DLGAP1: variants seen among roughly 807,000 people sequenced by gnomAD.
The protein encoded by DLGAP1 is disks large-associated protein 1.
In DLGAP1, 11 loss-of-function variants were observed where a neutral mutation model predicts 90.8. The observed-to-expected ratio is 0.12, with a 90% CI of 0.08 to 0.20. The LOEUF (loss-of-function observed/expected upper bound fraction) is 0.20. Ranked by LOEUF, DLGAP1 falls within the 10% of genes least tolerant of loss-of-function variation. The pLI is 1.00. For synonymous variants in DLGAP1, 558 were observed against 540.7 expected, an observed-to-expected ratio of 1.03 and a Z score of -0.44; for missense variants, 1,050 against 1,333.8, an observed-to-expected ratio of 0.79 and a Z score of 3.31.
chr18:4,413,293 G>A (rs1567902785), intron 1 of DLGAP1, among the ~76,000 whole-genome samples: 1 of 152,114 alleles, frequency 6.6e-6, no homozygotes, highest in Non-Finnish European at 1.5e-5. Flanking sequence ...TCTTCCCCAT[G>A]AGTTTAAATG....
At chr18:3,853,216 T>C (rs1341502436) in intron 4 of DLGAP1, among the ~76,000 whole-genome samples, 1 of 152,184 alleles carries the variant, frequency 6.6e-6, no homozygotes, top group Non-Finnish European at 1.5e-5. Context: ...GAGTTTTGAA[T>C]GCTTTATTTT....
At chr18:4,153,494 A>C (rs2076707036) in intron 1 of DLGAP1, among the ~76,000 whole-genome samples, 1 of 151,896 alleles carries the variant, frequency 6.6e-6, no homozygotes, top group African/African-American at 2.4e-5. Context: ...TCTTTTCCTT[A>C]CCCCAAGTGT....
intron 7 of DLGAP1, among the ~76,000 whole-genome samples, chr18:3,642,585 T>C (rs1279973185): frequency 1.3e-5 from 2 of 152,226 alleles, no homozygotes; most frequent in Admixed American, 6.5e-5. Flanking sequence ...GACCTTAAGC[T>C]AGTACCTTTT....
intron 7 of DLGAP1, among the ~76,000 whole-genome samples, chr18:3,641,804 C>G (rs1012695981): frequency 2.0e-5 from 3 of 152,118 alleles, no homozygotes; most frequent in African/African-American, 7.2e-5. Context: ...ACTATAGATG[C>G]TGGGCCTAGG....
intron 2 of DLGAP1, among the ~76,000 whole-genome samples, chr18:4,008,815 T>C (rs913471309): frequency 2.0e-5 from 3 of 152,238 alleles, no homozygotes; most frequent in Non-Finnish European, 4.4e-5. Flanking sequence ...AAATGGGAAC[T>C]GGATTATTCA....
intron 4 of DLGAP1, among the ~76,000 whole-genome samples, chr18:3,850,441 A>G (rs1009128346): frequency 6.6e-6 from 1 of 152,126 alleles, no homozygotes; most frequent in African/African-American, 2.4e-5. Flanking sequence ...TATAAGATCC[A>G]TTAGATGAAT....
intron 7 of DLGAP1, among the ~76,000 whole-genome samples, chr18:3,657,522 G>GCACA (rs952548609): frequency 3.9e-5 from 6 of 151,950 alleles, no homozygotes; most frequent in African/African-American, 1.5e-4. Context: ...AAGATATGTG[G>GCACA]CACACAGTCT....
At chr18:3,687,425 C>T (rs1003035677) in intron 7 of DLGAP1, among the ~76,000 whole-genome samples, 11 of 152,070 alleles carry the variant, frequency 7.2e-5, no homozygotes, top group African/African-American at 2.4e-4. Flanking sequence ...TGTAAGCATA[C>T]GCCAACAACA....
chr18:3,805,725 G>T (rs1180149072), intron 5 of DLGAP1, among the ~76,000 whole-genome samples: 3 of 152,160 alleles, frequency 2.0e-5, no homozygotes, highest in African/African-American at 7.2e-5. Context: ...GACTCTTTAG[G>T]CTGTAAAGAT....
intron 3 of DLGAP1, among the ~76,000 whole-genome samples, chr18:3,975,405 C>T (rs971604618): frequency 2.0e-5 from 3 of 152,020 alleles, no homozygotes; most frequent in Admixed American, 1.3e-4. Flanking sequence ...AGTGAGATAC[C>T]GCTTCACACC....
At chr18:3,763,925 G>A (rs1419383725) in intron 5 of DLGAP1, among the ~76,000 whole-genome samples, 8 of 152,156 alleles carry the variant, frequency 5.3e-5, no homozygotes, top group Non-Finnish European at 1.2e-4. Context: ...GCCTCCCAAA[G>A]TGCTGGGATT....
chr18:4,250,451 C>A lies in DLGAP1; in HGVS notation c.-266-99164G>T, dbSNP rs74814570. ...GTACCTGAGAAAGTCCTGATGCCAA[C>A]AATTTTGAAGATCACTATTAAAGAT... On this transcript the variant is annotated intron_variant, in intron 1 of 12. Transcript: ENST00000315677. 5.2e-3 allele frequency among the ~76,000 whole-genome samples: 793 copies of A among 152,284 alleles called. 6 individuals carry two copies. Among genetic ancestry groups the A allele is most frequent in the African/African-American group, 0.018 (758 of 41,544 alleles).
At chr18:3,937,889 T>C (rs1394496935) in intron 3 of DLGAP1, among the ~76,000 whole-genome samples, 3 of 152,226 alleles carry the variant, frequency 2.0e-5, no homozygotes, top group African/African-American at 7.2e-5. Flanking sequence ...TGAGTCACTG[T>C]AAGCGAGCTC....
At chr18:3,925,086 A>G (rs1003756998) in intron 3 of DLGAP1, among the ~76,000 whole-genome samples, 7 of 151,934 alleles carry the variant, frequency 4.6e-5, no homozygotes, top group South Asian at 2.1e-4. Context: ...CTGAGTAGCT[A>G]GGACTACAGG....
rs867654578 is a variant in DLGAP1 at position 4,409,152 on chromosome 18, A to G, written c.-267+45854T>C. 1.2e-4 allele frequency among the ~76,000 whole-genome samples: 18 copies of G among 152,222 alleles called. No homozygotes were observed. The South Asian group carries it at 3.5e-3, about 30-fold the overall frequency. ...CTTAGGGTTTTGTTTTTTGATAAAG[A>G]AACTAGTTATTATAAAATATTAGGC... On this transcript the variant is annotated intron_variant, in intron 1 of 12. Coordinates refer to ENST00000315677, the MANE Select transcript of DLGAP1 (RefSeq NM_004746.4).
At chr18:3,668,642 A>G (rs1464791800) in intron 7 of DLGAP1, among the ~76,000 whole-genome samples, 2 of 152,184 alleles carry the variant, frequency 1.3e-5, no homozygotes, top group African/African-American at 4.8e-5. Flanking sequence ...CAAGCTTCAC[A>G]TCTTGTGCCA....
At chr18:3,888,024 C>T (rs1043794811) in intron 3 of DLGAP1, among the ~76,000 whole-genome samples, 8 of 138,394 alleles carry the variant, frequency 5.8e-5, no homozygotes, top group Non-Finnish European at 1.1e-4. Flanking sequence ...AGGAGAATGG[C>T]GTGAACCCGG....
At chr18:4,219,027 GTTTTTTTTT>G (rs34333673) in intron 1 of DLGAP1, among the ~76,000 whole-genome samples, 4 of 92,022 alleles carry the variant, frequency 4.3e-5, no homozygotes, top group Non-Finnish European at 6.3e-5. Flanking sequence ...TTCTATCTTT[GTTTTTTTTT>G]TTTTTTTTTT....
At chr18:3,947,940 T>C (rs938789213) in intron 3 of DLGAP1, among the ~76,000 whole-genome samples, 13 of 152,180 alleles carry the variant, frequency 8.5e-5, no homozygotes, top group Non-Finnish European at 1.6e-4. Flanking sequence ...GTGGTGGTGT[T>C]GGTGGGTGCA....
Sources: allele counts gnomAD v4.1 joint callset (sites outside exome capture counted in the v4.1 genomes callset), GRCh38; gene constraint gnomAD v4.1.1; transcripts MANE v1.5; gene names NCBI Gene and HGNC (gene_info 2026-07-23, HGNC 2026-07-21).